The following TBC1D31 variants were observed in gnomAD, a reference collection of about 807,000 sequenced individuals.
TBC1D31 encodes the protein TBC1 domain family member 31.
In TBC1D31, 99 loss-of-function variants were observed where a neutral mutation model predicts 132.9. The ratio of observed to expected loss-of-function variants is 0.74; its 90% CI spans 0.63 to 0.88. The LOEUF is 0.88. Ranked by LOEUF, TBC1D31 falls within the 40% of genes least tolerant of loss-of-function variation. The pLI is 0.00. For missense variants in TBC1D31, 1,134 were observed against 1,256.6 expected, an observed-to-expected ratio of 0.90 and a Z score of 1.48; for synonymous variants, 385 against 419.4, an observed-to-expected ratio of 0.92 and a Z score of 1.00.
intron 19 of TBC1D31, among the ~76,000 whole-genome samples, chr8:123,143,795 C>T (rs1821925821): frequency 6.6e-6 from 1 of 152,184 alleles, no homozygotes; most frequent in Non-Finnish European, 1.5e-5. Context: ...TGGAAGCTCA[C>T]ATTCTCATCC....
chr8:123,161,471 GAAACTC>G, the TBC1D31 span, among the ~76,000 whole-genome samples: 1 of 152,162 alleles, frequency 6.6e-6, no homozygotes, highest in African/African-American at 2.4e-5. Context: ...TTACGAAAGC[GAAACTC>G]AAACTCAAGG....
chr8:123,087,933 A>T (rs766130562), intron 4 of TBC1D31, among the ~76,000 whole-genome samples: 7 of 152,264 alleles, frequency 4.6e-5, no homozygotes, highest in Non-Finnish European at 1.0e-4. Context: ...CTGTAATCTC[A>T]GCACTTTGGG....
downstream of TBC1D31, among the ~76,000 whole-genome samples, chr8:123,155,449 C>T (rs1000347381): frequency 5.3e-5 from 8 of 152,044 alleles, no homozygotes; most frequent in Non-Finnish European, 8.8e-5. This position sits in a 1 kb window ranked among gnomAD's most constrained non-coding sequence, Gnocchi z 4.1. Context: ...GGCAGCAGGG[C>T]GGTAGTAGTA....
rs80263529 is a variant in TBC1D31 at position 123,126,621 on chromosome 8, T to G, written c.1818T>G (p.Thr606=). The change falls in exon 13 of 22, where the codon ACT becomes ACG. Residue 606 remains threonine, a synonymous_variant. Coordinates refer to ENST00000287380, the MANE Select transcript of TBC1D31 (RefSeq NM_145647.4). ...ACCATCCTTCCTTCCTTCTGATGAC[T>G]GTTGTAGCCTACAACATATGTTCTA... ...FSNHPSFLLM[T]VVAYNICSRT... 1,640 of 1,614,134 alleles carry G rather than the reference T, an allele frequency of 1.0e-3. 14 individuals carry two copies. The African/African-American group carries it at 0.019, about 18-fold the overall frequency.
chr8:123,143,071 G>A (rs796784155), intron 19 of TBC1D31, among the ~76,000 whole-genome samples: 4 of 152,228 alleles, frequency 2.6e-5, no homozygotes, highest in African/African-American at 9.6e-5. Context: ...CTTAGTGTAT[G>A]GCTTTCATTT....
chr8:123,149,349 A>C (rs981301745), intron 20 of TBC1D31, among the ~76,000 whole-genome samples: 1 of 152,258 alleles, frequency 6.6e-6, no homozygotes, highest in Admixed American at 6.5e-5. Flanking sequence ...AAAGGCAGAC[A>C]TCTTACCGAT....
intron 11 of TBC1D31, among the ~76,000 whole-genome samples, chr8:123,125,260 TA>T (rs1819925581): frequency 6.6e-6 from 1 of 152,236 alleles, no homozygotes; most frequent in Non-Finnish European, 1.5e-5. Flanking sequence ...GATGGTCTTA[TA>T]TACGGCTTTG....
chr8:123,124,551 TG>T (rs1819841755), intron 11 of TBC1D31, among the ~76,000 whole-genome samples: 1 of 152,138 alleles, frequency 6.6e-6, no homozygotes, highest in African/African-American at 2.4e-5. Flanking sequence ...TTTGGGTATA[TG>T]TGTGGTGTTT....
chr8:123,075,978 T>C (rs1814469782), intron 1 of TBC1D31, among the ~76,000 whole-genome samples: 1 of 152,184 alleles, frequency 6.6e-6, no homozygotes, highest in South Asian at 2.1e-4. Context: ...TAGTATGTAA[T>C]CATTAAATAA....
intron 11 of TBC1D31, 92 bp downstream of exon 11, chr8:123,120,280 A>G (rs1159027596): frequency 5.8e-6 from 6 of 1,030,204 alleles, no homozygotes; most frequent in East Asian, 2.6e-5. Context: ...TAACAATTCT[A>G]GATGTCTCTA....
downstream of TBC1D31, among the ~76,000 whole-genome samples, chr8:123,152,927 TA>T (rs1822890320): frequency 6.6e-6 from 1 of 152,142 alleles, no homozygotes; most frequent in Admixed American, 6.5e-5. Context: ...TGACACATAG[TA>T]AGTATATAAT....
At chr8:123,081,637 G>C (rs1815161282) in intron 2 of TBC1D31, among the ~76,000 whole-genome samples, 1 of 152,146 alleles carries the variant, frequency 6.6e-6, no homozygotes, top group South Asian at 2.1e-4. Flanking sequence ...CCCGAGACTG[G>C]GTAATTTATA....
the TBC1D31 span, among the ~76,000 whole-genome samples, chr8:123,164,980 A>T: frequency 1.3e-5 from 2 of 152,220 alleles, no homozygotes; most frequent in African/African-American, 4.8e-5. Context: ...CCCTGTTCTT[A>T]GTAACTGCAG....
intron 4 of TBC1D31, among the ~76,000 whole-genome samples, chr8:123,092,090 T>C (rs1365296917): frequency 6.6e-6 from 1 of 152,066 alleles, no homozygotes; most frequent in Non-Finnish European, 1.5e-5. Flanking sequence ...TCTCAGCTCA[T>C]TGCAACCTCC....
intron 17 of TBC1D31, 119 bp from the exon 18 acceptor site, chr8:123,140,642 T>A: frequency 2.4e-6 from 2 of 850,782 alleles, no homozygotes; most frequent in Non-Finnish European, 3.5e-6. Context: ...TGAATTTTAC[T>A]TTGAAAATTA....
At chr8:123,138,322 A>G (rs1738872493) in intron 17 of TBC1D31, among the ~76,000 whole-genome samples, 1 of 152,204 alleles carries the variant, frequency 6.6e-6, no homozygotes, top group Non-Finnish European at 1.5e-5. Flanking sequence ...ACAATTTTTG[A>G]TAATAAGCAT....
chr8:123,096,064 CCTT>C (rs1816807122), intron 5 of TBC1D31, among the ~76,000 whole-genome samples: 1 of 152,146 alleles, frequency 6.6e-6, no homozygotes, highest in African/African-American at 2.4e-5. Flanking sequence ...ACTATAATAG[CCTT>C]CTTATTTGTT....
chr8:123,140,878 A>G lies in TBC1D31; in HGVS notation c.2617A>G (p.Thr873Ala), dbSNP rs1821593905. The stretch of plus-strand genomic sequence containing the variant: ...TCATAAGCTGATAGAAGCAGGTGAA[A>G]CCCAGAGCCAGAAAACTCAGAAGGT... Reference protein sequence around the residue: ...MFHKLIEAGETQSQKTQKVIK... With the variant: ...MFHKLIEAGEAQSQKTQKVIK... The change falls in exon 18 of 22, where the codon ACC becomes GCC. Residue 873 changes from threonine to alanine, a missense_variant. Coordinates refer to ENST00000287380, the MANE Select transcript of TBC1D31 (RefSeq NM_145647.4). 2.5e-6 allele frequency: 4 copies of G among 1,613,372 alleles called. No individual in the cohort carries two copies. The highest frequency in any genetic ancestry group is 2.5e-6 in the Non-Finnish European group (3 of 1,179,894).
chr8:123,114,805 G>A (rs1222347172), intron 10 of TBC1D31, among the ~76,000 whole-genome samples: 1 of 152,034 alleles, frequency 6.6e-6, no homozygotes, highest in Non-Finnish European at 1.5e-5. Flanking sequence ...AGATATTTTT[G>A]TATGTATATA....
Sources: allele counts gnomAD v4.1 joint callset (sites outside exome capture counted in the v4.1 genomes callset), GRCh38; gene constraint gnomAD v4.1.1; non-coding constraint Gnocchi (gnomAD v3.1); transcripts MANE v1.5; gene names NCBI Gene and HGNC (gene_info 2026-07-23, HGNC 2026-07-21).